The following UNC80 variants were observed in gnomAD, a reference collection of about 807,000 sequenced individuals.
The protein encoded by UNC80 is unc-80 subunit of NALCN channel complex.
A neutral mutation model predicts 384.6 loss-of-function variants in UNC80; 164 were observed. The observed-to-expected ratio is 0.43, with a 90% CI of 0.38 to 0.49. UNC80 has a LOEUF of 0.49. Among genes scored for constraint, UNC80 ranks in the 20% least tolerant of loss-of-function variants. The pLI is 0.00. For missense variants in UNC80, 3,330 were observed against 4,143.0 expected (o/e 0.80, Z 5.39); for synonymous variants, 1,486 against 1,527.8 (o/e 0.97, Z 0.64).
At chr2:209,837,678 A>G (rs1377435321) in intron 18 of UNC80, among the ~76,000 whole-genome samples, 15 of 152,108 alleles carry the variant, frequency 9.9e-5, no homozygotes, top group Admixed American at 9.8e-4. Flanking sequence ...AATCTATTCA[A>G]CTGTTTCCGT....
chr2:209,866,533 CAGAGAGAGAGAG>C (rs369408644), intron 22 of UNC80, among the ~76,000 whole-genome samples: 2 of 104,086 alleles, frequency 1.9e-5, no homozygotes, highest in African/African-American at 8.0e-5. Flanking sequence ...CACACACACA[CAGAGAGAGAGAG>C]AGAGAGAGAG....
At chr2:209,939,690 T>G (rs767362907) in intron 43 of UNC80, 38 bp downstream of exon 43, 11 of 1,481,502 alleles carry the variant, frequency 7.4e-6, no homozygotes, top group Non-Finnish European at 8.1e-6. Context: ...TGGGGCTTTT[T>G]CTAACACACT....
chr2:209,824,569 G>C (rs556589651), intron 13 of UNC80, among the ~76,000 whole-genome samples: 7 of 152,230 alleles, frequency 4.6e-5, no homozygotes, highest in Admixed American at 4.6e-4. Flanking sequence ...ATAATGTTGG[G>C]TGAGGCAGCT....
At chr2:209,877,645 A>G (rs780966950) in intron 23 of UNC80, among the ~76,000 whole-genome samples, 6 of 152,210 alleles carry the variant, frequency 3.9e-5, no homozygotes, top group Non-Finnish European at 8.8e-5. Flanking sequence ...ACTCCCTTGT[A>G]TCATATCTAT....
At chr2:209,965,035 A>G (rs139705187) in intron 51 of UNC80, among the ~76,000 whole-genome samples, 1 of 152,126 alleles carries the variant, frequency 6.6e-6, no homozygotes, top group African/African-American at 2.4e-5. Flanking sequence ...ATAAATTTGG[A>G]GACACATACT....
At chr2:209,884,436 G>A (rs2085590491) in intron 25 of UNC80, among the ~76,000 whole-genome samples, 1 of 152,162 alleles carries the variant, frequency 6.6e-6, no homozygotes, top group South Asian at 2.1e-4. Context: ...TACCAACCAT[G>A]CCAACGGAAT....
chr2:209,970,475 G>A (rs577287884), intron 53 of UNC80, among the ~76,000 whole-genome samples: 1 of 152,324 alleles, frequency 6.6e-6, no homozygotes, highest in African/African-American at 2.4e-5. Flanking sequence ...AAATAGAGCT[G>A]TTGCCATCAT....
chr2:209,976,261 A>C lies in UNC80; in HGVS notation c.8730A>C (p.Arg2910=), dbSNP rs1301926483. 6.4e-7 allele frequency: 1 copy of C among 1,551,732 alleles called. No homozygotes were observed. The highest frequency in any genetic ancestry group is 8.7e-7 in the Non-Finnish European group (1 of 1,147,012). The part of the protein sequence containing the change: ...WDFLDFIVRT[R]IPIFVLLRPF... ...TCCTCGACTTCATCGTGCGGACCCG[A>C]ATACCCATCTTTGTGCTTTTGCGCC... Residue 2910 remains arginine (R), a synonymous_variant, in exon 57 of 65, where the codon CGA becomes CGC. Coordinates refer to ENST00000673920, the MANE Select transcript of UNC80 (RefSeq NM_001371986.1). The surrounding 1 kb of genome is among the most constrained non-coding windows in gnomAD (Gnocchi z 4.3).
chr2:209,883,786 G>A (rs182815279), intron 25 of UNC80, among the ~76,000 whole-genome samples: 12 of 152,194 alleles, frequency 7.9e-5, no homozygotes, highest in Admixed American at 7.2e-4. Context: ...TCATATAAGT[G>A]GAATCATGCA....
chr2:209,942,297 G>A lies in UNC80; in HGVS notation c.6915+808G>A, dbSNP rs971254514. Among the ~76,000 whole-genome samples the A allele has an allele frequency of 4.6e-5, 7 of 152,254 alleles. No homozygotes were observed. The South Asian group carries it at 1.5e-3, about 32-fold the overall frequency. ...TGAAACCAGTCCCTGATGCCAAAAA[G>A]GTTGGGGACCACTGCCCTAGAAAGT... On this transcript the variant is annotated intron_variant, in intron 44 of 64. Coordinates refer to ENST00000673920, the MANE Select transcript of UNC80 (RefSeq NM_001371986.1).
At chr2:209,858,523 C>A (rs1212599166) in intron 22 of UNC80, among the ~76,000 whole-genome samples, 3 of 152,012 alleles carry the variant, frequency 2.0e-5, no homozygotes, top group Non-Finnish European at 4.4e-5. Context: ...GCCTGGCCAA[C>A]ATAGCGAAAC....
rs576558963 is a variant in UNC80, at chr2:209,791,896, C to CCTGCA, written c.799-1820_799-1816dup. ...TAAACTCTTGTCTTATTAGTCTAAG[C>CCTGCA]CTGCACTGTCCAATATGATAGCCTC... is the stretch of plus-strand genomic sequence containing the variant. On this transcript the variant is annotated intron_variant, in intron 6 of 64. Transcript: ENST00000673920. Among the ~76,000 whole-genome samples the CCTGCA allele has an allele frequency of 4.0e-5, 6 of 148,668 alleles. No homozygotes were observed. In the South Asian group the frequency reaches 1.3e-3, roughly 33 times the overall value.
rs1233651160 is a variant in UNC80, at chr2:209,976,174, G to A, written c.8643G>A (p.Trp2881Ter). Residue 2881 changes from tryptophan to a stop codon, truncating the protein, a stop_gained, in exon 57 of 65, where the codon TGG becomes TGA. Coordinates refer to ENST00000673920, the MANE Select transcript of UNC80 (RefSeq NM_001371986.1). LOFTEE classifies it high-confidence loss of function. This position sits in a 1 kb window ranked among gnomAD's most constrained non-coding sequence, Gnocchi z 4.3. ...GGCAGCTCGGAAGCCAGTGGTACTGGCTGAGCCTCCAGGTGAAGGAGATGG... is the reference window on the plus strand; with the variant it reads ...GGCAGCTCGGAAGCCAGTGGTACTGACTGAGCCTCCAGGTGAAGGAGATGG... ...FERQLGSQWY[W>*]LSLQVKEMAL... The A allele has an allele frequency of 1.3e-6, 2 of 1,551,688 alleles. No individual in the cohort carries two copies. The highest frequency in any genetic ancestry group is 1.7e-6 in the Non-Finnish European group (2 of 1,146,988).
intron 24 of UNC80, 101 bp downstream of exon 24, chr2:209,878,190 C>T (rs2084948023): frequency 1.6e-6 from 2 of 1,226,318 alleles, no homozygotes; most frequent in African/African-American, 1.6e-5. Context: ...TTACCACCTC[C>T]CCATGTCTTT....
At chr2:209,990,644 G>A (rs1306632961) in intron 61 of UNC80, among the ~76,000 whole-genome samples, 2 of 152,172 alleles carry the variant, frequency 1.3e-5, no homozygotes. Flanking sequence ...ATAAGGAGAT[G>A]TCATTTCAAA....
chr2:209,780,518 A>G (rs1389320612), intron 4 of UNC80, among the ~76,000 whole-genome samples: 1 of 152,178 alleles, frequency 6.6e-6, no homozygotes, highest in Non-Finnish European at 1.5e-5. Context: ...AGGATTTCTC[A>G]GCCTTGGCAC....
chr2:209,927,184 C>G (rs2090502579), intron 36 of UNC80, among the ~76,000 whole-genome samples, 198 bp downstream of exon 36: 1 of 152,030 alleles, frequency 6.6e-6, no homozygotes, highest in African/African-American at 2.4e-5. Context: ...CCTTTATGGC[C>G]AAAAAAATTG....
At chr2:209,774,576 C>T (rs546624247) in intron 2 of UNC80, among the ~76,000 whole-genome samples, 4 of 152,122 alleles carry the variant, frequency 2.6e-5, no homozygotes, top group South Asian at 4.2e-4. Context: ...TGACATTACC[C>T]GGAATACTCT....
intron 59 of UNC80, among the ~76,000 whole-genome samples, chr2:209,981,268 G>A (rs2093150278): frequency 6.6e-6 from 1 of 152,180 alleles, no homozygotes; most frequent in Non-Finnish European, 1.5e-5. Flanking sequence ...ATTTTCATAT[G>A]AATTTGAATA....
Sources: allele counts gnomAD v4.1 joint callset (sites outside exome capture counted in the v4.1 genomes callset), GRCh38; gene constraint gnomAD v4.1.1; non-coding constraint Gnocchi (gnomAD v3.1); transcripts MANE v1.5; gene names NCBI Gene and HGNC (gene_info 2026-07-23, HGNC 2026-07-21).